AXL: variants seen among roughly 807,000 people sequenced by gnomAD.
AXL encodes tyrosine-protein kinase receptor UFO.
In AXL, 52 loss-of-function variants were observed where a neutral mutation model predicts 104.5. That is an observed-to-expected ratio of 0.50 (90% confidence interval 0.40 to 0.63). The LOEUF is 0.63. Ranked by LOEUF, AXL falls within the 20% of genes least tolerant of loss-of-function variation. AXL has a pLI of 0.00. For missense variants in AXL, 1,024 were observed against 1,188.5 expected (o/e 0.86, Z 2.04); for synonymous variants, 455 against 473.7 (o/e 0.96, Z 0.51).
intron 4 of AXL, chr19:41,226,629 C>A: frequency 1.8e-6 from 1 of 547,834 alleles, no homozygotes; most frequent in Non-Finnish European, 2.3e-6. Context: ...GGAACAGAGG[C>A]GTACACGCAC....
chr19:41,223,290 G>A (rs1363591326), intron 4 of AXL, among the ~76,000 whole-genome samples: 1 of 152,148 alleles, frequency 6.6e-6, no homozygotes, highest in Non-Finnish European at 1.5e-5. Context: ...GCAAGACTCT[G>A]TCTCAAAACG....
At chr19:41,237,674 C>T (rs1293495422) in intron 6 of AXL, among the ~76,000 whole-genome samples, 5 of 152,180 alleles carry the variant, frequency 3.3e-5, no homozygotes, top group Non-Finnish European at 5.9e-5. Context: ...TCTAAGGCCC[C>T]GTGTGCCCAA....
At position 41,238,107 on chromosome 19, in the gene AXL, G is replaced by T; in HGVS notation, c.947G>T (p.Gly316Val). The T allele has an allele frequency of 6.2e-7, 1 of 1,614,044 alleles. No homozygotes were observed. Among genetic ancestry groups the T allele is most frequent in the Non-Finnish European group, 8.5e-7 (1 of 1,180,024 alleles). ...CGCGTGGCATGCACCAGCAGCCAGGGCCCCTCATCCTGGACCCACTGGCTT... is the reference window on the plus strand; with the variant it reads ...CGCGTGGCATGCACCAGCAGCCAGGTCCCCTCATCCTGGACCCACTGGCTT... The part of the protein sequence containing the change: ...HIRVACTSSQ[G>V]PSSWTHWLPV... The change falls in exon 7 of 20, where the codon GGC becomes GTC. Residue 316 changes from glycine (G) to valine (V), a missense_variant. By Grantham distance (109) the Gly-to-Val change is moderately radical (BLOSUM62 -3). Coordinates refer to ENST00000301178, the MANE Select transcript of AXL (RefSeq NM_021913.5).
rs370666499 is a variant in AXL at position 41,223,295 on chromosome 19, A to G, written c.586+1239A>G. Among the ~76,000 whole-genome samples the G allele has an allele frequency of 5.9e-5, 9 of 152,268 alleles. No homozygotes were observed. In the East Asian group the frequency reaches 7.7e-4, roughly 13 times the overall value. ...GGGTGACAGAGCAAGACTCTGTCTCAAAACGAAAAACAAAACAAAATGAAA... is the reference window on the plus strand; with the variant it reads ...GGGTGACAGAGCAAGACTCTGTCTCGAAACGAAAAACAAAACAAAATGAAA... On this transcript the variant is annotated intron_variant, in intron 4 of 19. Transcript: ENST00000301178.
chr19:41,226,934 C>A, intron 4 of AXL: 2 of 395,824 alleles, frequency 5.1e-6, no homozygotes, highest in Non-Finnish European at 6.8e-6. Context: ...CTCTTCTCTA[C>A]AAAAAAAAAT....
At chr19:41,220,497 C>G in intron 1 of AXL, 139 bp from the exon 2 acceptor site, 1 of 698,558 alleles carries the variant, frequency 1.4e-6, no homozygotes, top group Non-Finnish European at 2.4e-6. Flanking sequence ...CCACCCCACT[C>G]TGAGGTCACT....
chr19:41,227,140 C>T (rs757110943), intron 4 of AXL, among the ~76,000 whole-genome samples: 1 of 151,982 alleles, frequency 6.6e-6, no homozygotes, highest in Non-Finnish European at 1.5e-5. Context: ...CATCCTAGCG[C>T]AGACATTGTG....
rs3214621 is a variant in AXL at position 41,256,794 on chromosome 19, TA to T, written c.2196+184del. 0.15 allele frequency among the ~76,000 whole-genome samples: 22,925 copies of T among 152,200 alleles called. 1,847 individuals are homozygous for T. The highest frequency in any genetic ancestry group is 0.28 in the East Asian group (1,422 of 5,158). On this transcript the variant is annotated intron_variant, in intron 18 of 19. Coordinates refer to ENST00000301178, the MANE Select transcript of AXL (RefSeq NM_021913.5). ...GTGGGCATCTCTGAATAGTGGTGTG[TA>T]CATGCCCAGGATAAATACAGGCCCA... is the stretch of plus-strand genomic sequence containing the variant.
intron 10 of AXL, 48 bp downstream of exon 10, chr19:41,239,768 A>C: frequency 6.2e-7 from 1 of 1,605,832 alleles, no homozygotes. Flanking sequence ...CTCAACACCT[A>C]GTGGGGGCAC....
chr19:41,233,375 G>A (rs1055430072), intron 6 of AXL, among the ~76,000 whole-genome samples: 4 of 143,748 alleles, frequency 2.8e-5, no homozygotes, highest in Non-Finnish European at 6.1e-5. Flanking sequence ...TCTGCTTGTC[G>A]TTTTAAACCT....
chr19:41,233,705 C>G (rs377333768), intron 6 of AXL, among the ~76,000 whole-genome samples: 2 of 147,454 alleles, frequency 1.4e-5, no homozygotes, highest in East Asian at 2.0e-4. Flanking sequence ...CAGAGAGGGG[C>G]CCCCTCTCTG....
At chr19:41,233,201 G>C (rs527255330) in intron 6 of AXL, among the ~76,000 whole-genome samples, 2 of 152,066 alleles carry the variant, frequency 1.3e-5, no homozygotes, top group African/African-American at 4.8e-5. Flanking sequence ...TGTTGGTCAG[G>C]CTGGTCTCGA....
intron 4 of AXL, among the ~76,000 whole-genome samples, chr19:41,225,427 A>T (rs2033862652): frequency 6.6e-6 from 1 of 152,164 alleles, no homozygotes; most frequent in African/African-American, 2.4e-5. Flanking sequence ...TCTGTGTCTG[A>T]GCAGGTCAAA....
rs1271310415 is a variant in AXL, at chr19:41,259,945, A to T, written c.*41A>T. On this transcript the variant is annotated 3_prime_UTR_variant, in exon 20 of 20. Coordinates refer to ENST00000301178, the MANE Select transcript of AXL (RefSeq NM_021913.5). ...GGTACTCCCTCTCAGGATCCAAGCT[A>T]AGCACTGCCACTGGGGAAAACTCCA... 2 of 1,489,010 alleles carry T rather than the reference A, an allele frequency of 1.3e-6. No homozygotes were observed. Among genetic ancestry groups the T allele is most frequent in the Admixed American group, 4.5e-5 (2 of 44,102 alleles). The allele number at this position is 1,489,010 out of a possible 1,614,324, so 92.2% of individuals were successfully genotyped here.
chr19:41,249,471 C>T (rs2034325856), intron 14 of AXL, among the ~76,000 whole-genome samples: 1 of 151,356 alleles, frequency 6.6e-6, no homozygotes, highest in African/African-American at 2.4e-5. Context: ...ATAAAACACA[C>T]ATGGCTGGGC....
At chr19:41,226,317 G>T (rs2033880406) in intron 4 of AXL, among the ~76,000 whole-genome samples, 2 of 152,174 alleles carry the variant, frequency 1.3e-5, no homozygotes, top group African/African-American at 4.8e-5. Flanking sequence ...GGGGCCCCAC[G>T]TGCCAGGTGG....
intron 17 of AXL, 50 bp downstream of exon 17, chr19:41,253,758 G>C (rs2122281359): frequency 1.4e-6 from 2 of 1,401,786 alleles, no homozygotes; most frequent in Non-Finnish European, 2.0e-6. Flanking sequence ...TGCACTCCCT[G>C]AGGGAGTTCC....
intron 11 of AXL, among the ~76,000 whole-genome samples, 174 bp from the exon 12 acceptor site, chr19:41,243,442 G>T (rs1420538997): frequency 6.6e-6 from 1 of 152,062 alleles, no homozygotes; most frequent in East Asian, 1.9e-4. Flanking sequence ...TGAGGGCAAG[G>T]GGGTGTGTGG....
chr19:41,222,275 T>C (rs2122200328), intron 4 of AXL, among the ~76,000 whole-genome samples: 1 of 152,188 alleles, frequency 6.6e-6, no homozygotes, highest in East Asian at 1.9e-4. Flanking sequence ...TGTCTCTTGG[T>C]GTGTGTGTCT....
Sources: allele counts gnomAD v4.1 joint callset (sites outside exome capture counted in the v4.1 genomes callset), GRCh38; gene constraint gnomAD v4.1.1; transcripts MANE v1.5; gene names NCBI Gene and HGNC (gene_info 2026-07-23, HGNC 2026-07-21).